Variants in DSCAM observed in about 807,000 individuals in gnomAD.
DSCAM encodes the protein DS cell adhesion molecule.
DSCAM carries 47 observed loss-of-function variants against 217.7 expected under a neutral mutation model. That is an observed-to-expected ratio of 0.22 (90% confidence interval 0.17 to 0.28). The LOEUF (loss-of-function observed/expected upper bound fraction) is 0.28, where lower values mean the gene tolerates loss of function less well. Among genes scored for constraint, DSCAM ranks in the 10% least tolerant of loss-of-function variants. The probability of loss-of-function intolerance (pLI) is 1.00; values close to 1 mark genes in which losing one functional copy is unlikely to be tolerated. For synonymous variants in DSCAM, 1,056 were observed against 1,015.3 expected (o/e 1.04, Z -0.76); for missense variants, 2,080 against 2,618.3 (o/e 0.79, Z 4.49).
intron 11 of DSCAM, among the ~76,000 whole-genome samples, chr21:40,259,329 C>A (rs537240629): frequency 6.6e-6 from 1 of 151,528 alleles, no homozygotes; most frequent in African/African-American, 2.4e-5. Flanking sequence ...CAAGCTTCCT[C>A]TTGCCATAGG....
chr21:40,492,086 A>G (rs1479394824), intron 3 of DSCAM, among the ~76,000 whole-genome samples: 2 of 152,256 alleles, frequency 1.3e-5, no homozygotes, highest in African/African-American at 4.8e-5. Flanking sequence ...GAGTATAATA[A>G]GTAACCAATA....
chr21:40,116,562 G>C (rs1343000291), intron 20 of DSCAM, among the ~76,000 whole-genome samples: 1 of 152,034 alleles, frequency 6.6e-6, no homozygotes, highest in East Asian at 1.9e-4. Flanking sequence ...AGAGAGCCTA[G>C]CATCTGCCTG....
At position 40,710,321 on chromosome 21, in the gene DSCAM, A is replaced by G. The variant is rs1371706171; in HGVS notation, c.44-1550T>C. ...CAATAAAGAGAATTTTGACAAAAGC[A>G]TGACTCAACTCCACCAGCCTACAGT... On this transcript the variant is annotated intron_variant, in intron 1 of 32. Transcript: ENST00000400454. Among the ~76,000 whole-genome samples the G allele has an allele frequency of 3.9e-5, 6 of 152,210 alleles. No individual in the cohort carries two copies. The South Asian group carries it at 6.2e-4, about 16-fold the overall frequency.
At position 40,353,457 on chromosome 21, in the gene DSCAM, C is replaced by T; in HGVS notation, c.934+8G>A. The T allele has an allele frequency of 3.8e-6, 6 of 1,596,538 alleles. No homozygotes were observed. Among genetic ancestry groups the T allele is most frequent in the East Asian group, 2.2e-5 (1 of 44,504 alleles). ...AACACCACCTTTGCAAGTTACCGTC[C>T]AACTTACGTTTCACGTACAGGCGGC... On this transcript the variant is annotated splice_region_variant and intron_variant, in intron 5 of 32. Transcript: ENST00000400454.
chr21:40,812,403 G>A (rs1389802030), intron 1 of DSCAM, among the ~76,000 whole-genome samples: 2 of 152,098 alleles, frequency 1.3e-5, no homozygotes, highest in African/African-American at 2.4e-5. Context: ...GCATTCTACT[G>A]TCACACTGTG....
intron 31 of DSCAM, 123 bp from the exon 32 acceptor site, chr21:40,042,796 T>G (rs2095983069): frequency 1.1e-6 from 1 of 933,852 alleles, no homozygotes; most frequent in Non-Finnish European, 1.6e-6. Context: ...GTAGGAGTTC[T>G]GGCTCCTTGG....
intron 1 of DSCAM, among the ~76,000 whole-genome samples, chr21:40,809,958 G>T (rs2091823494): frequency 6.6e-6 from 1 of 152,182 alleles, no homozygotes; most frequent in African/African-American, 2.4e-5. Context: ...AATATTAGCA[G>T]TGCATTGCAC....
rs1380088715 is a variant in DSCAM at position 40,182,439 on chromosome 21, C to T, written c.2780-3345G>A. ...GACAGAGCTTGCCATGGTGCTGAAA[C>T]CTGGTCAGAGACCTGTGAGCCACCA... On this transcript the variant is annotated intron_variant, in intron 14 of 32. Transcript: ENST00000400454. Among the ~76,000 whole-genome samples the T allele has an allele frequency of 5.3e-5, 8 of 152,076 alleles. No homozygotes were observed. In the South Asian group the frequency reaches 1.5e-3, roughly 28 times the overall value.
At chr21:40,376,552 C>A (rs9983509) in intron 3 of DSCAM, among the ~76,000 whole-genome samples, 1,639 of 39,394 alleles carry the variant, frequency 0.042, 149 homozygotes, top group South Asian at 0.069. Context: ...TATCTTATAT[C>A]GATATCTATA....
At chr21:40,656,488 A>G (rs905120057) in intron 3 of DSCAM, among the ~76,000 whole-genome samples, 5 of 151,912 alleles carry the variant, frequency 3.3e-5, no homozygotes, top group Non-Finnish European at 1.5e-5. Context: ...GTTGACAAGA[A>G]AAAAGCTTAA....
At chr21:40,045,805 C>T (rs9979120) in intron 30 of DSCAM, among the ~76,000 whole-genome samples, 22,312 of 152,172 alleles carry the variant, frequency 0.15, 1,965 homozygotes, top group East Asian at 0.33. Flanking sequence ...CTGACAGGGC[C>T]GGCCTGTAAT....
chr21:40,080,431 G>T, intron 24 of DSCAM, 91 bp from the exon 25 acceptor site: 1 of 1,140,962 alleles, frequency 8.8e-7, no homozygotes, highest in Non-Finnish European at 1.2e-6. Flanking sequence ...GTAATAGAAC[G>T]AGCATTCTCA....
chr21:40,489,774 C>CAAAAAAAAAAAA (rs35247505), intron 3 of DSCAM, among the ~76,000 whole-genome samples: 9 of 47,184 alleles, frequency 1.9e-4, no homozygotes, highest in African/African-American at 6.3e-4. Flanking sequence ...GACTCCGTCT[C>CAAAAAAAAAAAA]AAAAAAAAAA....
chr21:40,092,197 T>G (rs758192410), intron 21 of DSCAM, among the ~76,000 whole-genome samples: 1 of 152,118 alleles, frequency 6.6e-6, no homozygotes, highest in Non-Finnish European at 1.5e-5. Flanking sequence ...CCATACTCCC[T>G]TCTTCCCCCA....
chr21:40,131,267 C>T (rs392167), intron 19 of DSCAM, among the ~76,000 whole-genome samples: 46,586 of 152,098 alleles, frequency 0.31, 8,863 homozygotes, highest in South Asian at 0.5. Context: ...GCATTTAATT[C>T]TGTAAACTGC....
chr21:40,726,276 C>T (rs1296220304), intron 1 of DSCAM, among the ~76,000 whole-genome samples: 1 of 152,098 alleles, frequency 6.6e-6, no homozygotes, highest in Non-Finnish European at 1.5e-5. Flanking sequence ...AGGAAAAACA[C>T]AAAGCTGTAA....
intron 10 of DSCAM, among the ~76,000 whole-genome samples, chr21:40,287,133 G>A (rs1001600794): frequency 2.0e-5 from 3 of 151,716 alleles, no homozygotes; most frequent in Admixed American, 6.6e-5. Context: ...TCTGCAGCAT[G>A]ATCTGCAGCA....
At chr21:40,765,692 G>A (rs371137308) in intron 1 of DSCAM, among the ~76,000 whole-genome samples, 22 of 152,282 alleles carry the variant, frequency 1.4e-4, no homozygotes, top group African/African-American at 5.1e-4. Flanking sequence ...GAAAAAATTA[G>A]TTCAGGGACA....
chr21:40,042,687 G>A lies in DSCAM; in HGVS notation c.5384-14C>T, dbSNP rs1601260935. 2 of 1,588,538 alleles carry A rather than the reference G, an allele frequency of 1.3e-6. No homozygotes were observed. The highest frequency in any genetic ancestry group is 1.7e-4 in the Middle Eastern group (1 of 5,778). ...TTCTTGCTCGATCTACACCAGGAAA[G>A]AGAAAAACAAGACGGACGACTCACC... On this transcript the variant is annotated splice_polypyrimidine_tract_variant and intron_variant, in intron 31 of 32. Coordinates refer to ENST00000400454, the MANE Select transcript of DSCAM (RefSeq NM_001389.5).
Sources: gnomAD v4.1 joint callset for allele counts (sites outside exome capture counted in the v4.1 genomes callset) on GRCh38, gnomAD v4.1.1 for gene constraint, MANE v1.5 for transcripts, NCBI Gene and HGNC (gene_info 2026-07-23, HGNC 2026-07-21) for gene names.